KCNIP4: variants seen among roughly 807,000 people sequenced by gnomAD.
KCNIP4 encodes potassium voltage-gated channel interacting protein 4, also known as Kv channel-interacting protein 4.
In KCNIP4, 12 loss-of-function variants were observed where a neutral mutation model predicts 34.0. The observed-to-expected ratio is 0.35, with a 90% CI of 0.23 to 0.57. The LOEUF is 0.57. Ranked by LOEUF, KCNIP4 falls within the 20% of genes least tolerant of loss-of-function variation. The pLI is 0.83. For missense variants in KCNIP4, 238 were observed against 311.7 expected (o/e 0.76, Z 1.78); for synonymous variants, 124 against 102.2 (o/e 1.21, Z -1.29).
At chr4:21,666,984 T>C (rs575542511) in intron 1 of KCNIP4, among the ~76,000 whole-genome samples, 234 of 152,272 alleles carry the variant, frequency 1.5e-3, no homozygotes, top group African/African-American at 5.5e-3. Context: ...CATTCAAAAA[T>C]GTTTTAAAAA....
intron 1 of KCNIP4, chr4:21,697,504 T>TAAA (rs1712469112): frequency 4.0e-6 from 6 of 1,490,850 alleles, no homozygotes; most frequent in African/African-American, 1.5e-5. Context: ...ATAATAATAA[T>TAAA]AAAAAGAGAG....
intron 1 of KCNIP4, among the ~76,000 whole-genome samples, chr4:21,815,629 GA>G (rs879552768): frequency 4.6e-5 from 7 of 151,838 alleles, no homozygotes; most frequent in South Asian, 4.2e-4. Flanking sequence ...TACCAAGACA[GA>G]AAAAAAATTG....
chr4:20,916,120 A>G (rs1366431656), intron 1 of KCNIP4, among the ~76,000 whole-genome samples: 1 of 152,026 alleles, frequency 6.6e-6, no homozygotes, highest in Non-Finnish European at 1.5e-5. Flanking sequence ...ATGTTCCTCT[A>G]CCTCCTACAG....
At chr4:21,008,532 GT>G (rs33988781) in intron 1 of KCNIP4, among the ~76,000 whole-genome samples, 1 of 150,456 alleles carries the variant, frequency 6.6e-6, no homozygotes, top group Non-Finnish European at 1.5e-5. Flanking sequence ...TTTTGTTTTT[GT>G]TTTTTTTTGA....
At chr4:21,115,912 A>G (rs550864171) in intron 1 of KCNIP4, among the ~76,000 whole-genome samples, 41 of 152,360 alleles carry the variant, frequency 2.7e-4, no homozygotes, top group African/African-American at 5.5e-4. Context: ...TAGAACATCT[A>G]TGTAACCAAA....
chr4:20,969,074 TTCC>T (rs1734666967), intron 1 of KCNIP4, among the ~76,000 whole-genome samples: 1 of 152,158 alleles, frequency 6.6e-6, no homozygotes. Flanking sequence ...CATGCCAATT[TTCC>T]TCCTAAATAC....
chr4:21,193,342 G>A (rs1484518345), intron 1 of KCNIP4, among the ~76,000 whole-genome samples: 1 of 152,128 alleles, frequency 6.6e-6, no homozygotes, highest in Non-Finnish European at 1.5e-5. Flanking sequence ...AAAGCTTGCA[G>A]AGCAATTCTT....
In KCNIP4 at chr4:20,729,087, T is replaced by TAGAC. The variant is rs542124920; in HGVS notation, c.*991_*994dup. On this transcript the variant is annotated 3_prime_UTR_variant, in exon 9 of 9. Coordinates refer to ENST00000382152, the MANE Select transcript of KCNIP4 (RefSeq NM_025221.6). ...AATTTTGCTTGCTGTTTGTTCTTAG[T>TAGAC]AGACAGTGGGGTAGTCAAGGTTTCT... 3.6e-4 allele frequency: 55 copies of TAGAC among 152,090 alleles called. No homozygotes were observed. The East Asian group carries it at 6.3e-3, about 18-fold the overall frequency. The allele number at this position is 152,090 out of a possible 1,614,324, so 9.4% of individuals were successfully genotyped here.
intron 1 of KCNIP4, among the ~76,000 whole-genome samples, chr4:21,182,476 A>G (rs1754912359): frequency 6.8e-6 from 1 of 146,568 alleles, no homozygotes. Context: ...TTTCCTTCTA[A>G]TAATACATTT....
chr4:21,493,316 A>G (rs1415170140), intron 1 of KCNIP4, among the ~76,000 whole-genome samples: 1 of 151,982 alleles, frequency 6.6e-6, no homozygotes, highest in Non-Finnish European at 1.5e-5. Context: ...GTGTGTTGTG[A>G]TTATCTTTTA....
At chr4:20,949,862 G>T (rs1213325867) in intron 1 of KCNIP4, among the ~76,000 whole-genome samples, 1 of 128,936 alleles carries the variant, frequency 7.8e-6, no homozygotes, top group Non-Finnish European at 1.6e-5. Context: ...CGGTTGGGGG[G>T]TGGGGGGAGG....
At chr4:21,780,134 T>A (rs1719484743) in intron 1 of KCNIP4, among the ~76,000 whole-genome samples, 1 of 151,988 alleles carries the variant, frequency 6.6e-6, no homozygotes, top group East Asian at 1.9e-4. Flanking sequence ...AGCATAAAAG[T>A]TTTATAACAG....
intron 1 of KCNIP4, among the ~76,000 whole-genome samples, chr4:21,559,770 G>A (rs893155565): frequency 5.3e-5 from 8 of 152,042 alleles, no homozygotes; most frequent in Admixed American, 6.6e-5. Context: ...ATTATTAGTC[G>A]ATGGTTCCAT....
At chr4:21,217,505 C>T (rs1333055777) in intron 1 of KCNIP4, among the ~76,000 whole-genome samples, 1 of 152,062 alleles carries the variant, frequency 6.6e-6, no homozygotes, top group Non-Finnish European at 1.5e-5. Flanking sequence ...AGGCCAGTAA[C>T]CTGTAGAACC....
At chr4:21,305,703 C>CCT (rs1347599230) in intron 1 of KCNIP4, among the ~76,000 whole-genome samples, 1 of 152,222 alleles carries the variant, frequency 6.6e-6, no homozygotes, top group East Asian at 1.9e-4. Context: ...ATACACTCTA[C>CCT]CTGACAGCTC....
chr4:20,759,519 T>G (rs1311029972), intron 3 of KCNIP4, among the ~76,000 whole-genome samples: 1 of 152,174 alleles, frequency 6.6e-6, no homozygotes, highest in Non-Finnish European at 1.5e-5. Flanking sequence ...CCTTTGTCCC[T>G]GGGTCAACTT....
At chr4:21,726,562 C>T (rs938160185) in intron 1 of KCNIP4, among the ~76,000 whole-genome samples, 1 of 152,110 alleles carries the variant, frequency 6.6e-6, no homozygotes, top group Non-Finnish European at 1.5e-5. Context: ...GTCATTTAGG[C>T]CAGCAACAAT....
chr4:20,764,596 G>A (rs1461685057), intron 3 of KCNIP4, among the ~76,000 whole-genome samples: 1 of 151,258 alleles, frequency 6.6e-6, no homozygotes, highest in Non-Finnish European at 1.5e-5. Flanking sequence ...TTCCAGAAAC[G>A]CTGCATCCAT....
In KCNIP4 at chr4:20,939,664, G is replaced by T. The variant is rs558053908; in HGVS notation, c.62-56955C>A. ...TGGGATTACAGGTATGAGCCACCAC[G>T]CCTGGCCTCAGCCCATGATCTTTTA... On this transcript the variant is annotated intron_variant, in intron 1 of 8. Transcript: ENST00000382152. Among the ~76,000 whole-genome samples the T allele has an allele frequency of 9.9e-5, 15 of 152,134 alleles. No homozygotes were observed. The South Asian group carries it at 3.1e-3, about 32-fold the overall frequency.
Sources: allele counts gnomAD v4.1 joint callset (sites outside exome capture counted in the v4.1 genomes callset), GRCh38; gene constraint gnomAD v4.1.1; transcripts MANE v1.5; gene names NCBI Gene and HGNC (gene_info 2026-07-23, HGNC 2026-07-21).